The following GALNT14 variants were observed in gnomAD, a reference collection of about 807,000 sequenced individuals.
The protein encoded by GALNT14 is polypeptide N-acetylgalactosaminyltransferase 14.
Under a neutral mutation model 77.5 loss-of-function variants are expected in GALNT14, and 60 were observed. The observed-to-expected ratio is 0.77, with a 90% CI of 0.63 to 0.96. GALNT14 has a LOEUF of 0.96. Ranked by LOEUF, GALNT14 falls within the 40% of genes least tolerant of loss-of-function variation. GALNT14 has a pLI of 0.00. For missense variants in GALNT14, 710 were observed against 731.0 expected (o/e 0.97, Z 0.33); for synonymous variants, 280 against 281.7 (o/e 0.99, Z 0.06).
chr2:30,988,713 T>A (rs1669474366), intron 2 of GALNT14, among the ~76,000 whole-genome samples: 1 of 152,150 alleles, frequency 6.6e-6, no homozygotes. Flanking sequence ...CTCTGTGGTT[T>A]CTAAACTTGA....
chr2:30,995,697 A>G (rs929807980), intron 1 of GALNT14, among the ~76,000 whole-genome samples: 2 of 152,060 alleles, frequency 1.3e-5, no homozygotes, highest in African/African-American at 4.8e-5. Flanking sequence ...ACGGGATCTC[A>G]CTATGTTGCC....
At chr2:31,135,411 G>T (rs778606576) in intron 1 of GALNT14, among the ~76,000 whole-genome samples, 1 of 152,050 alleles carries the variant, frequency 6.6e-6, no homozygotes, top group Non-Finnish European at 1.5e-5. Flanking sequence ...CTGTTCTGGC[G>T]TTACCTAAGG....
chr2:31,004,815 G>A (rs774382648), intron 1 of GALNT14, among the ~76,000 whole-genome samples: 5 of 152,182 alleles, frequency 3.3e-5, no homozygotes, highest in Non-Finnish European at 5.9e-5. Flanking sequence ...CAAAGGACTG[G>A]AACATATCTT....
At chr2:30,910,205 T>TATA (rs1345047781), downstream of GALNT14, among the ~76,000 whole-genome samples, 3 of 151,044 alleles carry the variant, frequency 2.0e-5, no homozygotes, top group Non-Finnish European at 4.4e-5. Context: ...AAACTTAAAG[T>TATA]ATAATAATAA....
chr2:30,914,301 G>A (rs1291796711), intron 13 of GALNT14, among the ~76,000 whole-genome samples: 3 of 152,176 alleles, frequency 2.0e-5, no homozygotes, highest in Non-Finnish European at 2.9e-5. Context: ...TGTTGATGCT[G>A]GAGAGTTAGG....
chr2:30,939,330 T>C (rs1666238657), intron 9 of GALNT14, among the ~76,000 whole-genome samples: 1 of 152,132 alleles, frequency 6.6e-6, no homozygotes, highest in Admixed American at 6.5e-5. Context: ...GGCTGAGTCC[T>C]GTAGAGGGTC....
intron 10 of GALNT14, 83 bp downstream of exon 10, chr2:30,931,985 G>A (rs1038469399): frequency 7.4e-7 from 1 of 1,353,192 alleles, no homozygotes; most frequent in Non-Finnish European, 9.7e-7. Context: ...GAGCACCAGG[G>A]ACGGCTGCAA....
At chr2:30,964,032 A>G (rs1472591629) in intron 3 of GALNT14, among the ~76,000 whole-genome samples, 1 of 152,218 alleles carries the variant, frequency 6.6e-6, no homozygotes, top group Admixed American at 6.5e-5. Flanking sequence ...GAGTAGTGAT[A>G]TGTAGAGAAG....
intron 1 of GALNT14, among the ~76,000 whole-genome samples, chr2:31,064,703 T>G (rs28492871): frequency 2.0e-5 from 3 of 151,974 alleles, no homozygotes; most frequent in South Asian, 4.2e-4. Flanking sequence ...GCACCTGAGA[T>G]AGACAACAGT....
In GALNT14 at chr2:30,924,205, C is replaced by T; in HGVS notation, c.1294G>A (p.Glu432Lys). Reference sequence around the variant, plus strand: ...TCTTGGTTGTTCTGCCTTTGAGATTCCAGGCACTTCTGTCTCTGTCGGATA... The same window carrying T: ...TCTTGGTTGTTCTGCCTTTGAGATTTCAGGCACTTCTGTCTCTGTCGGATA... ...GNIRQRQKCLESQRQNNQETP... is the reference protein window; with the variant it reads ...GNIRQRQKCLKSQRQNNQETP... The change falls in exon 13 of 15, where the codon GAA becomes AAA. Residue 432 changes from glutamate to lysine, a missense_variant. By Grantham distance (56) the Glu-to-Lys change is moderately conservative. Transcript: ENST00000349752. 1 of 1,614,014 alleles carries T rather than the reference C, an allele frequency of 6.2e-7. No individual in the cohort carries two copies. The highest frequency in any genetic ancestry group is 2.2e-5 in the East Asian group (1 of 44,892).
the GALNT14 span, among the ~76,000 whole-genome samples, chr2:30,900,602 T>C: frequency 2.0e-5 from 3 of 152,188 alleles, no homozygotes; most frequent in Admixed American, 2.0e-4. Flanking sequence ...GACAGCTAAT[T>C]ACAGCACTAA....
At chr2:30,936,679 C>T (rs894634538) in intron 9 of GALNT14, among the ~76,000 whole-genome samples, 1 of 152,142 alleles carries the variant, frequency 6.6e-6, no homozygotes, top group Non-Finnish European at 1.5e-5. Context: ...TGTTATTACT[C>T]TTTAATGAAT....
At chr2:30,958,123 C>T (rs1416526345) in intron 4 of GALNT14, among the ~76,000 whole-genome samples, 1 of 152,132 alleles carries the variant, frequency 6.6e-6, no homozygotes, top group African/African-American at 2.4e-5. Flanking sequence ...TGGGGAGGTC[C>T]CAAAGACAGG....
At chr2:31,021,323 C>T (rs1204266171) in intron 1 of GALNT14, among the ~76,000 whole-genome samples, 6 of 151,640 alleles carry the variant, frequency 4.0e-5, no homozygotes, top group East Asian at 1.9e-4. Flanking sequence ...TATTTTTTTG[C>T]GACAGAGTTT....
chr2:30,901,266 C>T, the GALNT14 span, among the ~76,000 whole-genome samples: 2 of 152,098 alleles, frequency 1.3e-5, no homozygotes, highest in Non-Finnish European at 2.9e-5. Context: ...GTGAGTGAGT[C>T]TCAGATCACT....
At chr2:31,137,653 C>G (rs1387215184) in intron 1 of GALNT14, among the ~76,000 whole-genome samples, 2 of 152,168 alleles carry the variant, frequency 1.3e-5, no homozygotes, top group African/African-American at 2.4e-5. Flanking sequence ...CTGGGCCGCC[C>G]GTCCGCAGAG....
intron 4 of GALNT14, among the ~76,000 whole-genome samples, chr2:30,956,793 C>G (rs1667400323): frequency 6.6e-6 from 1 of 152,206 alleles, no homozygotes; most frequent in Non-Finnish European, 1.5e-5. Flanking sequence ...AGGCATGAGC[C>G]TCTGTGCCCG....
chr2:31,093,453 T>C (rs1040960762), intron 1 of GALNT14, among the ~76,000 whole-genome samples: 1 of 152,210 alleles, frequency 6.6e-6, no homozygotes, highest in Admixed American at 6.5e-5. Flanking sequence ...GCCAGTGTCC[T>C]CAGTCTCTTC....
intron 1 of GALNT14, among the ~76,000 whole-genome samples, chr2:31,023,758 A>T (rs1287868546): frequency 6.6e-6 from 1 of 151,988 alleles, no homozygotes; most frequent in African/African-American, 2.4e-5. Context: ...CTCTGCCTCC[A>T]GATGCCACTC....
Sources: gnomAD v4.1 joint callset for allele counts (sites outside exome capture counted in the v4.1 genomes callset) on GRCh38, gnomAD v4.1.1 for gene constraint, MANE v1.5 for transcripts, NCBI Gene and HGNC (gene_info 2026-07-23, HGNC 2026-07-21) for gene names.